Variants in TECR observed in about 807,000 individuals in gnomAD.
The protein encoded by TECR is very-long-chain enoyl-CoA reductase.
TECR carries 19 observed loss-of-function variants against 50.6 expected under a neutral mutation model. The ratio of observed to expected loss-of-function variants is 0.38; its 90% confidence interval spans 0.26 to 0.55. TECR has a LOEUF of 0.55. TECR is among the 20% of genes least tolerant of loss of function. The probability of loss-of-function intolerance (pLI) is 0.79; values close to 1 mark genes in which losing one functional copy is unlikely to be tolerated. For missense variants in TECR, 313 were observed against 408.3 expected, an observed-to-expected ratio of 0.77 and a Z score of 2.01; for synonymous variants, 168 against 163.5, an observed-to-expected ratio of 1.03 and a Z score of -0.21.
rs899729514 is a variant in TECR at position 14,565,198 on chromosome 19, C to G, written c.665-4C>G. 2 of 1,613,996 alleles carry G rather than the reference C, an allele frequency of 1.2e-6. No homozygotes were observed. Among genetic ancestry groups the G allele is most frequent in the South Asian group, 1.1e-5 (1 of 91,082 alleles). Reference sequence around the variant, plus strand: ...TGACTTTCTCCTTCTGTCCTGCCTGCCAGGGTCCAAGACGCGGAAGATCCC... The same window carrying G: ...TGACTTTCTCCTTCTGTCCTGCCTGGCAGGGTCCAAGACGCGGAAGATCCC... On this transcript the variant is annotated splice_polypyrimidine_tract_variant and splice_region_variant and intron_variant, in intron 10 of 12. Coordinates refer to ENST00000215567, the MANE Select transcript of TECR (RefSeq NM_138501.6).
intron 1 of TECR, among the ~76,000 whole-genome samples, chr19:14,552,029 C>T (rs2073541059): frequency 1.4e-5 from 2 of 144,914 alleles, no homozygotes; most frequent in Admixed American, 1.4e-4. Context: ...GGCTGGAGTG[C>T]AGTCAGTGGT....
intron 1 of TECR, among the ~76,000 whole-genome samples, chr19:14,559,855 C>T (rs903410516): frequency 6.6e-6 from 1 of 152,166 alleles, no homozygotes; most frequent in Non-Finnish European, 1.5e-5. Context: ...CCTGCTCCCC[C>T]CAGAGCCTTT....
chr19:14,563,829 C>T lies in TECR; in HGVS notation c.193C>T (p.Leu65=). The change falls in exon 5 of 13, where the codon CTG becomes TTG. Residue 65 remains leucine (L), a synonymous_variant. Coordinates refer to ENST00000215567, the MANE Select transcript of TECR (RefSeq NM_138501.6). The surrounding 1 kb of genome is among the most constrained non-coding windows in gnomAD (Gnocchi z 5.3). ...CAAGTCCCTGAAGGATGAGGATGTT[C>T]TGCAGAAGCTGCCCGTGGGCACCAC... ...KGKSLKDEDV[L]QKLPVGTTAT... is the part of the protein sequence containing the mutation. 1.2e-6 allele frequency: 2 copies of T among 1,613,970 alleles called. No homozygotes were observed. The highest frequency in any genetic ancestry group is 1.7e-6 in the Non-Finnish European group (2 of 1,179,962).
In TECR at chr19:14,565,185, T is replaced by C. The variant is rs763624646; in HGVS notation, c.665-17T>C. 3.7e-6 allele frequency: 6 copies of C among 1,613,716 alleles called. No homozygotes were observed. In the African/African-American group the frequency reaches 6.7e-5, roughly 18 times the overall value. On this transcript the variant is annotated splice_polypyrimidine_tract_variant and intron_variant, in intron 10 of 12. Transcript: ENST00000215567. ...GGGTGAGGGGGTCTGACTTTCTCCT[T>C]CTGTCCTGCCTGCCAGGGTCCAAGA...
intron 1 of TECR, among the ~76,000 whole-genome samples, chr19:14,546,851 A>G (rs2073324924): frequency 1.3e-5 from 2 of 152,096 alleles, no homozygotes; most frequent in Admixed American, 1.3e-4. Flanking sequence ...CACTACGCCC[A>G]GCTAACTTTA....
At chr19:14,539,880 CTTT>C (rs35738060) in intron 1 of TECR, among the ~76,000 whole-genome samples, 49,534 of 142,212 alleles carry the variant, frequency 0.35, 8,809 homozygotes, top group Non-Finnish European at 0.41. Flanking sequence ...TGTTTTCTTT[CTTT>C]TTTTTTTTTT....
chr19:14,565,971 C>A lies in TECR; in HGVS notation c.*100C>A. The A allele has an allele frequency of 1.3e-6, 2 of 1,553,186 alleles. No individual in the cohort carries two copies. The highest frequency in any genetic ancestry group is 1.2e-5 in the South Asian group (1 of 85,542). On this transcript the variant is annotated 3_prime_UTR_variant, in exon 13 of 13. Coordinates refer to ENST00000215567, the MANE Select transcript of TECR (RefSeq NM_138501.6). ...AGCACCCGGAATAAAGCCCGCCTGCCCCAGTCGGACTCGGGCTCTGTGTGT... is the reference window on the plus strand; with the variant it reads ...AGCACCCGGAATAAAGCCCGCCTGCACCAGTCGGACTCGGGCTCTGTGTGT...
intron 1 of TECR, among the ~76,000 whole-genome samples, chr19:14,560,542 G>T (rs1017523505): frequency 6.6e-6 from 1 of 152,320 alleles, no homozygotes; most frequent in South Asian, 2.1e-4. Flanking sequence ...GGGGCCCAAC[G>T]TCCTGCGTGG....
intron 1 of TECR, among the ~76,000 whole-genome samples, chr19:14,559,507 G>A (rs2146622890): frequency 6.6e-6 from 1 of 151,936 alleles, no homozygotes; most frequent in East Asian, 1.9e-4. Context: ...ATAATTATAG[G>A]CCGGGCCAGG....
In TECR at chr19:14,564,726, G is replaced by C. The variant is rs2074021534; in HGVS notation, c.490-60G>C. On this transcript the variant is annotated intron_variant, in intron 7 of 12. Transcript: ENST00000215567. ...CCCAGGCCCCTCGGGATGAGACATGGGCAGCATCTGCCTTGTCCGGTGCTG... is the reference window on the plus strand; with the variant it reads ...CCCAGGCCCCTCGGGATGAGACATGCGCAGCATCTGCCTTGTCCGGTGCTG... 9 of 1,536,022 alleles carry C rather than the reference G, an allele frequency of 5.9e-6. No individual in the cohort carries two copies. The Middle Eastern group carries it at 5.1e-4, about 87-fold the overall frequency.
At chr19:14,538,819 C>A (rs1290495064) in intron 1 of TECR, among the ~76,000 whole-genome samples, 1 of 152,044 alleles carries the variant, frequency 6.6e-6, no homozygotes, top group Non-Finnish European at 1.5e-5. Flanking sequence ...GCATGAGCCA[C>A]CACGCCTGGC....
rs545811900 is a variant in TECR, at chr19:14,557,126, T to TG, written c.16-5399_16-5398insG. Among the ~76,000 whole-genome samples, 124 of 143,918 alleles carry TG rather than the reference T, an allele frequency of 8.6e-4. 1 individual carries two copies. In the South Asian group the frequency reaches 0.027, roughly 31 times the overall value. The allele number at this position is 143,918 out of a possible 152,430, so 94.4% of individuals were successfully genotyped here. On this transcript the variant is annotated intron_variant, in intron 1 of 12. Coordinates refer to ENST00000215567, the MANE Select transcript of TECR (RefSeq NM_138501.6). Reference sequence around the variant, plus strand: ...GTGTTGGTCTAATCTTATTTATTTATTTATTTATTTATTTATTTATTTATT... The same window carrying TG: ...GTGTTGGTCTAATCTTATTTATTTATGTTATTTATTTATTTATTTATTTATT...
intron 1 of TECR, among the ~76,000 whole-genome samples, chr19:14,547,963 CTT>C (rs1043298294): frequency 1.0e-4 from 13 of 125,624 alleles, no homozygotes; most frequent in Admixed American, 8.0e-5. Flanking sequence ...ATGGGCATTT[CTT>C]TTTTTTTTTT....
rs1417225646 is a variant in TECR at position 14,563,125 on chromosome 19, C to G, written c.67-81C>G. On this transcript the variant is annotated intron_variant, in intron 2 of 12. Coordinates refer to ENST00000215567, the MANE Select transcript of TECR (RefSeq NM_138501.6). This position sits in a 1 kb window ranked among gnomAD's most constrained non-coding sequence, Gnocchi z 5.3. ...CCATAGCTACAGCCCAACCCCCAGC[C>G]TGCCATCCCCTTTAGTACCTCCCCA... 3 of 1,597,384 alleles carry G rather than the reference C, an allele frequency of 1.9e-6. No individual in the cohort carries two copies. Among genetic ancestry groups the G allele is most frequent in the Non-Finnish European group, 2.6e-6 (3 of 1,167,086 alleles).
rs528572009 is a variant in TECR, at chr19:14,548,163, C to T, written c.16-14362C>T. On this transcript the variant is annotated intron_variant, in intron 1 of 12. Transcript: ENST00000215567. Reference sequence around the variant, plus strand: ...ATTTTTTGTAGAGATGGGGTTTCACCGTGTTAGCCAGGATCGTGTCGATCT... The same window carrying T: ...ATTTTTTGTAGAGATGGGGTTTCACTGTGTTAGCCAGGATCGTGTCGATCT... Among the ~76,000 whole-genome samples the T allele has an allele frequency of 6.7e-4, 101 of 151,834 alleles. 2 individuals carry two copies. The highest frequency in any genetic ancestry group is 4.0e-3 in the South Asian group (19 of 4,694).
At chr19:14,565,704 G>T (rs372086411) in intron 12 of TECR, 40 bp from the exon 13 acceptor site, 33 of 1,611,672 alleles carry the variant, frequency 2.0e-5, no homozygotes, top group Non-Finnish European at 2.8e-5. Flanking sequence ...CTGCCCCTCC[G>T]GGCCGGCAGC....
chr19:14,529,814 A>G, intron 1 of TECR, 103 bp downstream of exon 1: 3 of 1,559,946 alleles, frequency 1.9e-6, no homozygotes, highest in Non-Finnish European at 2.6e-6. Flanking sequence ...GCCCCGAAGG[A>G]AGAGCCAGAC....
At chr19:14,537,098 A>AG (rs993996016) in intron 1 of TECR, among the ~76,000 whole-genome samples, 4 of 112,562 alleles carry the variant, frequency 3.6e-5, no homozygotes, top group African/African-American at 6.8e-5. Flanking sequence ...GAGGAGGAGG[A>AG]GGGGGCAGGG....
intron 1 of TECR, chr19:14,530,096 C>T: frequency 5.6e-6 from 2 of 354,274 alleles, no homozygotes; most frequent in Non-Finnish European, 1.1e-5. Context: ...CCGCCGTCAC[C>T]AGCGTAGGAA....
Sources: allele counts gnomAD v4.1 joint callset (sites outside exome capture counted in the v4.1 genomes callset), GRCh38; gene constraint gnomAD v4.1.1; non-coding constraint Gnocchi (gnomAD v3.1); transcripts MANE v1.5; gene names NCBI Gene and HGNC (gene_info 2026-07-23, HGNC 2026-07-21).